Variants in PHLPP2 observed in about 807,000 individuals in gnomAD.
The protein encoded by PHLPP2 is PH domain and leucine rich repeat protein phosphatase 2.
A neutral mutation model predicts 124.9 loss-of-function variants in PHLPP2; 66 were observed. That is an observed-to-expected ratio of 0.53 (90% confidence interval 0.43 to 0.65). The LOEUF (loss-of-function observed/expected upper bound fraction) is 0.65, where lower values mean the gene tolerates loss of function less well. PHLPP2 is among the 30% of genes least tolerant of loss of function. PHLPP2 has a pLI of 0.00. For synonymous variants in PHLPP2, 681 were observed against 624.7 expected (o/e 1.09, Z -1.34); for missense variants, 1,685 against 1,600.4 (o/e 1.05, Z -0.90).
rs1393617800 is a variant in PHLPP2, at chr16:71,681,800, G to A, written c.841C>T (p.His281Tyr). ...GGTCTTTCTAACTGCATGAAGTTGT[G>A]TCGCAAGTTGAGGTAGGTAATATCT... ...SQDITYLNLR[H>Y]NFMQLERPGG... The change falls in exon 6 of 19, where the codon CAC becomes TAC. Residue 281 changes from histidine to tyrosine, a missense_variant. Transcript: ENST00000568954. The A allele has an allele frequency of 1.9e-6, 3 of 1,613,998 alleles. No individual in the cohort carries two copies. Among genetic ancestry groups the A allele is most frequent in the Admixed American group, 1.7e-5 (1 of 60,008 alleles).
intron 12 of PHLPP2, 120 bp from the exon 13 acceptor site, chr16:71,664,219 AAAAAAAATCTCCACGT>A: frequency 1.4e-6 from 1 of 697,184 alleles, no homozygotes; most frequent in Non-Finnish European, 2.4e-6. Flanking sequence ...ATGGGAAAAA[AAAAAAAATCTCCACGT>A]AGTTTTTCTC....
Position 71,664,015 on chromosome 16 carries a change from C to T in PHLPP2, c.1869G>A (p.Gln623=). 6 of 1,613,934 alleles carry T rather than the reference C, an allele frequency of 3.7e-6. No individual in the cohort carries two copies. Among genetic ancestry groups the T allele is most frequent in the Non-Finnish European group, 5.1e-6 (6 of 1,179,824 alleles). ...GGAGATTGTTGGTCAGATAAAGCAG[C>T]TGCAGCATACTCAAACTCTCCTCTC... ...CTGEESLSML[Q]LLYLTNNLLT... Residue 623 remains glutamine (Q), a synonymous_variant, in exon 13 of 19, where the codon CAG becomes CAA. Coordinates refer to ENST00000568954, the MANE Select transcript of PHLPP2 (RefSeq NM_015020.3).
intron 12 of PHLPP2, chr16:71,666,078 A>C (rs1381112130): frequency 1.3e-5 from 2 of 152,202 alleles, no homozygotes; most frequent in East Asian, 3.8e-4. Flanking sequence ...AATATAATAA[A>C]AACTAGTTTT....
chr16:71,702,556 C>G, intron 3 of PHLPP2, 42 bp downstream of exon 3: 1 of 1,549,710 alleles, frequency 6.5e-7, no homozygotes, highest in Non-Finnish European at 8.8e-7. Context: ...AAATGATCAA[C>G]CTAAAAGTAG....
Position 71,667,281 on chromosome 16 carries a change from G to C in PHLPP2, c.1681C>G (p.Gln561Glu), listed in dbSNP as rs752428964. The C allele has an allele frequency of 2.5e-6, 4 of 1,613,386 alleles. No individual in the cohort carries two copies. In the Admixed American group the frequency reaches 6.7e-5, roughly 27 times the overall value. Reference sequence around the variant, plus strand: ...TGCTCTACCAGTGTTGGAAGGTTTTGCACATGATTGTGTCCCAGCATCAGT... The same window carrying C: ...TGCTCTACCAGTGTTGGAAGGTTTTCCACATGATTGTGTCCCAGCATCAGT... ...RKLMLGHNHV[Q>E]NLPTLVEHIP... is the part of the protein sequence containing the mutation. The change falls in exon 12 of 19, where the codon CAA becomes GAA. Residue 561 changes from glutamine to glutamate, a missense_variant. Coordinates refer to ENST00000568954, the MANE Select transcript of PHLPP2 (RefSeq NM_015020.3).
At chr16:71,668,721 G>A (rs1263130502) in intron 11 of PHLPP2, among the ~76,000 whole-genome samples, 2 of 152,006 alleles carry the variant, frequency 1.3e-5, no homozygotes, top group Admixed American at 1.3e-4. Context: ...GAGTGACTGT[G>A]CCACTACACT....
chr16:71,648,357 A>G lies in PHLPP2; in HGVS notation c.*533T>C, dbSNP rs1322952905. On this transcript the variant is annotated 3_prime_UTR_variant, in exon 19 of 19. Coordinates refer to ENST00000568954, the MANE Select transcript of PHLPP2 (RefSeq NM_015020.3). ...CTTCCCAGTACCCCTGGGAATTCCA[A>G]TGCAGGTTAAATGTGAAACTTAACA... 1 of 159,292 alleles carries G rather than the reference A, an allele frequency of 6.3e-6. No homozygotes were observed. The highest frequency in any genetic ancestry group is 6.1e-5 in the Admixed American group (1 of 16,408). 9.9% of individuals were successfully genotyped at this position (159,292 alleles called of 1,614,324 possible).
At chr16:71,666,045 T>C (rs1377256218) in intron 12 of PHLPP2, 4 of 152,176 alleles carry the variant, frequency 2.6e-5, no homozygotes, top group Non-Finnish European at 5.9e-5. Context: ...GAAGACAATA[T>C]TGCTTTCTCC....
At chr16:71,691,981 T>G (rs538319395) in intron 3 of PHLPP2, among the ~76,000 whole-genome samples, 1 of 151,308 alleles carries the variant, frequency 6.6e-6, no homozygotes, top group Non-Finnish European at 1.5e-5. Context: ...CAACTAACTA[T>G]ACACAGAAAT....
At chr16:71,650,105 T>C in intron 18 of PHLPP2, 61 bp from the exon 19 acceptor site, 1 of 1,302,162 alleles carries the variant, frequency 7.7e-7, no homozygotes, top group Admixed American at 1.9e-5. Context: ...AACTTATCTT[T>C]CTAGATCACA....
rs766668828 is a variant in PHLPP2, at chr16:71,702,476, G to A, written c.418+122C>T. 45 of 712,934 alleles carry A rather than the reference G, an allele frequency of 6.3e-5. 1 individual carries two copies. Among genetic ancestry groups the A allele is most frequent in the Admixed American group, 1.7e-4 (7 of 40,878 alleles). The allele number at this position is 712,934 out of a possible 1,614,324, so 44.2% of individuals were successfully genotyped here. On this transcript the variant is annotated intron_variant, in intron 3 of 18. Transcript: ENST00000568954. ...TTGTTGTTTGGTTGGTGTTAACTAC[G>A]TTAGTTAATTGGCTTAAAACTAGCT...
chr16:71,716,585 G>A (rs1019195028), intron 1 of PHLPP2, among the ~76,000 whole-genome samples: 1 of 151,986 alleles, frequency 6.6e-6, no homozygotes, highest in African/African-American at 2.4e-5. Flanking sequence ...TGACATTTCC[G>A]CAGCCATACC....
rs1036759628 is a variant in PHLPP2, at chr16:71,724,539, C to G, written c.-217G>C. The G allele has an allele frequency of 1.1e-4, 17 of 152,136 alleles. No individual in the cohort carries two copies. The highest frequency in any genetic ancestry group is 5.2e-4 in the Admixed American group (8 of 15,270). The allele number at this position is 152,136 out of a possible 1,614,324, so 9.4% of individuals were successfully genotyped here. A position where few individuals can be genotyped will look rare whatever the true frequency, so the allele number is the denominator to read the frequency against. ...TTATGATTTATTTGCAAGGCTGATT[C>G]AGAAAAAAACTTTTAAAAGTTAACT... On this transcript the variant is annotated 5_prime_UTR_variant, in exon 1 of 19. Coordinates refer to ENST00000568954, the MANE Select transcript of PHLPP2 (RefSeq NM_015020.3).
intron 4 of PHLPP2, among the ~76,000 whole-genome samples, chr16:71,689,806 C>T (rs1182604944): frequency 3.3e-5 from 5 of 151,998 alleles, no homozygotes; most frequent in South Asian, 2.1e-4. Context: ...CAAGCTACCA[C>T]GCCCAGCTTA....
At chr16:71,678,595 G>A (rs895683135) in intron 8 of PHLPP2, 160 bp downstream of exon 8, 7 of 597,514 alleles carry the variant, frequency 1.2e-5, no homozygotes, top group South Asian at 4.1e-5. Context: ...GGCCGAGATC[G>A]TGCCACTGTA....
intron 4 of PHLPP2, among the ~76,000 whole-genome samples, chr16:71,685,912 G>T (rs1321742680): frequency 1.3e-5 from 2 of 152,098 alleles, no homozygotes; most frequent in Non-Finnish European, 2.9e-5. Flanking sequence ...AATATTCATG[G>T]TAAAATGTTC....
In PHLPP2 at chr16:71,646,293, T is replaced by C. The variant is rs1313860400; in HGVS notation, c.*2597A>G. On this transcript the variant is annotated 3_prime_UTR_variant, in exon 19 of 19. Transcript: ENST00000568954. ...AATACAGAGCAACTGCAGAAGGACA[T>C]GAATTAAAGCAGACTGCAAAAAAGA... 2 of 152,204 alleles carry C rather than the reference T, an allele frequency of 1.3e-5. No individual in the cohort carries two copies. Among genetic ancestry groups the C allele is most frequent in the Non-Finnish European group, 2.9e-5 (2 of 68,028 alleles). 9.4% of individuals were successfully genotyped at this position (152,204 alleles called of 1,614,324 possible).
intron 3 of PHLPP2, among the ~76,000 whole-genome samples, chr16:71,692,321 G>C (rs147983035): frequency 2.0e-5 from 3 of 151,948 alleles, no homozygotes; most frequent in South Asian, 2.1e-4. Context: ...CGCCTGCCTC[G>C]GCCTCCCAAA....
At chr16:71,673,677 C>T (rs951395569) in intron 9 of PHLPP2, among the ~76,000 whole-genome samples, 1 of 151,990 alleles carries the variant, frequency 6.6e-6, no homozygotes, top group Non-Finnish European at 1.5e-5. Context: ...TTTATCTGTA[C>T]ATACTTAAAT....
Sources: allele counts gnomAD v4.1 joint callset (sites outside exome capture counted in the v4.1 genomes callset), GRCh38; gene constraint gnomAD v4.1.1; transcripts MANE v1.5; gene names NCBI Gene and HGNC (gene_info 2026-07-23, HGNC 2026-07-21).